CRHR2: variants seen among roughly 807,000 people sequenced by gnomAD.
CRHR2 encodes the protein corticotropin-releasing hormone receptor 2.
Under a neutral mutation model 57.9 loss-of-function variants are expected in CRHR2, and 53 were observed. The ratio of observed to expected loss-of-function variants is 0.92; its 90% CI spans 0.73 to 1.15. The LOEUF (loss-of-function observed/expected upper bound fraction) is 1.15, where lower values mean the gene tolerates loss of function less well. CRHR2 is among the 50% of genes most tolerant of loss of function. CRHR2 has a pLI of 0.00. For missense variants in CRHR2, 532 were observed against 542.6 expected (o/e 0.98, Z 0.19); for synonymous variants, 213 against 220.9 (o/e 0.96, Z 0.32).
rs1460981215 is a variant in CRHR2 at position 30,662,216 on chromosome 7, C to A, written c.698G>T (p.Cys233Phe). 6.2e-7 allele frequency: 1 copy of A among 1,614,084 alleles called. No homozygotes were observed. Among genetic ancestry groups the A allele is most frequent in the Non-Finnish European group, 8.5e-7 (1 of 1,180,008 alleles). The change falls in exon 7 of 12, where the codon TGC (cysteine) becomes TTC (phenylalanine). Residue 233 changes from cysteine to phenylalanine, a missense_variant and splice_region_variant. Physicochemically the swap from Cys to Phe is radical, Grantham distance 205. Coordinates refer to ENST00000471646, the MANE Select transcript of CRHR2 (RefSeq NM_001883.5). ...GGCGACGATGATGGGGAAGGGGATG[C>A]CTGAAAGAAGGAAAGACTTGGGCTG... ...RKCLFLFIGW[C>F]IPFPIIVAWA...
At chr7:30,668,947 C>A (rs1043542683) in intron 2 of CRHR2, among the ~76,000 whole-genome samples, 9 of 152,234 alleles carry the variant, frequency 5.9e-5, no homozygotes, top group African/African-American at 1.9e-4. Flanking sequence ...CTAGCACTAT[C>A]TTTCCTTACC....
At chr7:30,699,003 C>T (rs1340103694) in intron 1 of CRHR2, among the ~76,000 whole-genome samples, 8 of 152,164 alleles carry the variant, frequency 5.3e-5, no homozygotes, top group Admixed American at 1.3e-4. Flanking sequence ...CCTCCTTATA[C>T]GTATAGGGAC....
intron 8 of CRHR2, among the ~76,000 whole-genome samples, chr7:30,659,041 G>T (rs1325127384): frequency 6.6e-6 from 1 of 152,222 alleles, no homozygotes; most frequent in Non-Finnish European, 1.5e-5. Context: ...ATCTCTCTCA[G>T]CTTCTTCCTC....
chr7:30,687,200 G>A (rs1784872169), upstream of CRHR2, among the ~76,000 whole-genome samples: 1 of 152,076 alleles, frequency 6.6e-6, no homozygotes, highest in African/African-American at 2.4e-5. Flanking sequence ...CTGAAAAGAA[G>A]GTCATTATCA....
In CRHR2 at chr7:30,660,665, G is replaced by C. The variant is rs1347042457; in HGVS notation, c.759-20C>G. 7 of 1,556,350 alleles carry C rather than the reference G, an allele frequency of 4.5e-6. No homozygotes were observed. Among genetic ancestry groups the C allele is most frequent in the Non-Finnish European group, 6.1e-6 (7 of 1,150,134 alleles). Reference sequence around the variant, plus strand: ...CAGCACCTGTGAAGATGGGGTGGCTGTAGGGGGCCTCCTGAGCTGGAACTG... The same window carrying C: ...CAGCACCTGTGAAGATGGGGTGGCTCTAGGGGGCCTCCTGAGCTGGAACTG... On this transcript the variant is annotated intron_variant, in intron 7 of 11. Coordinates refer to ENST00000471646, the MANE Select transcript of CRHR2 (RefSeq NM_001883.5).
intron 1 of CRHR2, among the ~76,000 whole-genome samples, chr7:30,696,437 T>G (rs566338611): frequency 1.1e-4 from 16 of 152,106 alleles, no homozygotes; most frequent in African/African-American, 3.1e-4. Flanking sequence ...AAATAAAAAT[T>G]AAGGCCAGGC....
intron 5 of CRHR2, 135 bp downstream of exon 5, chr7:30,664,932 CAAG>C (rs1159486490): frequency 5.8e-6 from 4 of 688,074 alleles, no homozygotes; most frequent in African/African-American, 3.6e-5. Flanking sequence ...AAAAGCTGCT[CAAG>C]AAGAAGAGGG....
At chr7:30,699,620 T>C (rs1049600445) in intron 1 of CRHR2, 33 of 185,462 alleles carry the variant, frequency 1.8e-4, no homozygotes, top group Non-Finnish European at 3.6e-4. Flanking sequence ...TGCTAGGATG[T>C]CACCCCAGAA....
At chr7:30,685,249 A>C (rs970358928), upstream of CRHR2, among the ~76,000 whole-genome samples, 1 of 152,232 alleles carries the variant, frequency 6.6e-6, no homozygotes, top group African/African-American at 2.4e-5. Context: ...AATACATGGC[A>C]TCAAACAGGC....
intron 2 of CRHR2, among the ~76,000 whole-genome samples, chr7:30,672,362 G>A (rs965415729): frequency 1.3e-5 from 2 of 152,242 alleles, no homozygotes; most frequent in Admixed American, 6.5e-5. Context: ...ACCTTATTTT[G>A]TACAAGGCTG....
intron 2 of CRHR2, among the ~76,000 whole-genome samples, chr7:30,671,225 A>T (rs925861136): frequency 6.6e-6 from 1 of 152,182 alleles, no homozygotes; most frequent in Non-Finnish European, 1.5e-5. Context: ...ATTATATGTT[A>T]TGTGAGACTC....
chr7:30,682,325 C>T lies in CRHR2; in HGVS notation c.-45G>A, dbSNP rs1421452145. ...CGGAGAGGGAGTGGGAGTGCGCGCC[C>T]GGCGTGACTGCGAGGGAGTGGACGC... On this transcript the variant is annotated 5_prime_UTR_variant, in exon 1 of 12. Transcript: ENST00000471646. 7 of 1,501,148 alleles carry T rather than the reference C, an allele frequency of 4.7e-6. No individual in the cohort carries two copies. Among genetic ancestry groups the T allele is most frequent in the Non-Finnish European group, 6.2e-6 (7 of 1,129,714 alleles). 93.0% of individuals were successfully genotyped at this position (1,501,148 alleles called of 1,614,324 possible).
chr7:30,693,039 G>T (rs1323247478), intron 1 of CRHR2, among the ~76,000 whole-genome samples: 1 of 152,220 alleles, frequency 6.6e-6, no homozygotes, highest in Non-Finnish European at 1.5e-5. Context: ...CAGGTGAGAA[G>T]CCCCTCTCTT....
intron 1 of CRHR2, chr7:30,689,341 G>A (rs1018766697): frequency 8.6e-6 from 12 of 1,391,630 alleles, no homozygotes; most frequent in South Asian, 1.2e-5. Flanking sequence ...CATTGACAGT[G>A]CCTGTCTGCC....
At chr7:30,662,885 G>C (rs1243946864) in intron 5 of CRHR2, 38 bp from the exon 6 acceptor site, 1 of 1,608,322 alleles carries the variant, frequency 6.2e-7, no homozygotes, top group Admixed American at 1.7e-5. Context: ...GAGGCAGCTT[G>C]GGGCCCAGGT....
rs1783649854 is a variant in CRHR2 at position 30,653,188 on chromosome 7, G to T, written c.*272C>A. On this transcript the variant is annotated 3_prime_UTR_variant, in exon 12 of 12. Transcript: ENST00000471646. This position sits in a 1 kb window ranked among gnomAD's most constrained non-coding sequence, Gnocchi z 5.0. ...CAGTAAGGCCCTGGCCAGAGAGGCT[G>T]GGATGGGCAAATGCCTGCAGACATC... The T allele has an allele frequency of 2.3e-6, 1 of 435,086 alleles. No individual in the cohort carries two copies. Among genetic ancestry groups the T allele is most frequent in the East Asian group, 4.2e-5 (1 of 23,674 alleles). The allele number at this position is 435,086 out of a possible 1,614,324, so 27.0% of individuals were successfully genotyped here.
In CRHR2 at chr7:30,665,472, G is replaced by T; in HGVS notation, c.425+58C>A. 1 of 1,378,622 alleles carries T rather than the reference G, an allele frequency of 7.3e-7. No homozygotes were observed. Among genetic ancestry groups the T allele is most frequent in the Non-Finnish European group, 1.0e-6 (1 of 991,936 alleles). 85.4% of individuals were successfully genotyped at this position (1,378,622 alleles called of 1,614,324 possible). A position where few individuals can be genotyped will look rare whatever the true frequency, so the allele number is the denominator to read the frequency against. On this transcript the variant is annotated intron_variant, in intron 4 of 11. Transcript: ENST00000471646. The surrounding 1 kb of genome is among the most constrained non-coding windows in gnomAD (Gnocchi z 4.5). ...GGAGGTGAGAATGTCTGGGAGAGGTGAAGGGGGTGCTGTAGGGGGAGGGAT... is the reference window on the plus strand; with the variant it reads ...GGAGGTGAGAATGTCTGGGAGAGGTTAAGGGGGTGCTGTAGGGGGAGGGAT...
Position 30,665,765 on chromosome 7 carries a change from G to C in CRHR2, c.316-126C>G. On this transcript the variant is annotated intron_variant, in intron 3 of 11. Transcript: ENST00000471646. This position sits in a 1 kb window ranked among gnomAD's most constrained non-coding sequence, Gnocchi z 4.5. Reference sequence around the variant, plus strand: ...CAGAAGTGCTCCAGGTGTCATTGCCGTGCCTGGCTCTTAGGGTTCGTTCCT... The same window carrying C: ...CAGAAGTGCTCCAGGTGTCATTGCCCTGCCTGGCTCTTAGGGTTCGTTCCT... 1.4e-6 allele frequency: 1 copy of C among 729,406 alleles called. No individual in the cohort carries two copies. Among genetic ancestry groups the C allele is most frequent in the Non-Finnish European group, 2.3e-6 (1 of 438,030 alleles). The allele number at this position is 729,406 out of a possible 1,614,324, so 45.2% of individuals were successfully genotyped here.
chr7:30,695,019 A>C (rs1280746575), intron 1 of CRHR2, among the ~76,000 whole-genome samples: 2 of 77,940 alleles, frequency 2.6e-5, no homozygotes, highest in Non-Finnish European at 4.7e-5. Flanking sequence ...AAAGGGGAGG[A>C]GGTGGGGGAG....
Sources: allele counts gnomAD v4.1 joint callset (sites outside exome capture counted in the v4.1 genomes callset), GRCh38; gene constraint gnomAD v4.1.1; non-coding constraint Gnocchi (gnomAD v3.1); transcripts MANE v1.5; gene names NCBI Gene and HGNC (gene_info 2026-07-23, HGNC 2026-07-21).